The following TRABD2B variants were observed in gnomAD, a reference collection of about 807,000 sequenced individuals.
TRABD2B encodes the protein TraB domain containing 2B, also known as metalloprotease TIKI2.
A neutral mutation model predicts 40.1 loss-of-function variants in TRABD2B; 14 were observed. That is an observed-to-expected ratio of 0.35 (90% CI 0.23 to 0.55). The LOEUF (loss-of-function observed/expected upper bound fraction) is 0.55. Ranked by LOEUF, TRABD2B falls within the 20% of genes least tolerant of loss-of-function variation. TRABD2B has a pLI of 0.90. For synonymous variants in TRABD2B, 263 were observed against 277.0 expected, an observed-to-expected ratio of 0.95 and a Z score of 0.50; for missense variants, 541 against 648.6, an observed-to-expected ratio of 0.83 and a Z score of 1.80.
chr1:47,775,777 A>G (rs1168497881), intron 5 of TRABD2B, among the ~76,000 whole-genome samples: 1 of 152,190 alleles, frequency 6.6e-6, no homozygotes, highest in Non-Finnish European at 1.5e-5. Context: ...AGTAAAACAG[A>G]GGATGCCAGA....
At chr1:47,845,384 A>G (rs529383524) in intron 2 of TRABD2B, among the ~76,000 whole-genome samples, 2 of 152,350 alleles carry the variant, frequency 1.3e-5, no homozygotes, top group Non-Finnish European at 1.5e-5. Flanking sequence ...TGCTCTTACT[A>G]AGTGTCTGGC....
At chr1:47,832,311 C>A (rs982653551) in intron 2 of TRABD2B, among the ~76,000 whole-genome samples, 2 of 151,078 alleles carry the variant, frequency 1.3e-5, no homozygotes, top group African/African-American at 4.9e-5. Flanking sequence ...CCAGCCTGGG[C>A]AACAAGCAAG....
In TRABD2B at chr1:47,772,881, C is replaced by T. The variant is rs568064849; in HGVS notation, c.1349+2289G>A. 3.3e-5 allele frequency among the ~76,000 whole-genome samples: 5 copies of T among 152,260 alleles called. No individual in the cohort carries two copies. The South Asian group carries it at 1.0e-3, about 32-fold the overall frequency. On this transcript the variant is annotated intron_variant, in intron 6 of 6. Transcript: ENST00000606738. ...CAGGCGGTGGTGGAAACTTTCTTCTCCAACCCAATCAGATGGAATAAAGTT... is the reference window on the plus strand; with the variant it reads ...CAGGCGGTGGTGGAAACTTTCTTCTTCAACCCAATCAGATGGAATAAAGTT...
chr1:47,987,924 T>G (rs946635974), intron 2 of TRABD2B, among the ~76,000 whole-genome samples: 1 of 152,162 alleles, frequency 6.6e-6, no homozygotes, highest in Non-Finnish European at 1.5e-5. Flanking sequence ...CAGCCTGTGT[T>G]TAATTCCACG....
chr1:47,923,468 T>G (rs1644928082), intron 2 of TRABD2B, among the ~76,000 whole-genome samples: 1 of 152,206 alleles, frequency 6.6e-6, no homozygotes. Context: ...CCCTGACCAC[T>G]GCACAGGCTG....
intron 2 of TRABD2B, among the ~76,000 whole-genome samples, chr1:47,806,150 C>T (rs769245467): frequency 2.3e-4 from 35 of 152,242 alleles, no homozygotes; most frequent in Non-Finnish European, 4.4e-4. Flanking sequence ...CACCAGCATC[C>T]TTGGTGCTTC....
intron 2 of TRABD2B, among the ~76,000 whole-genome samples, chr1:47,883,613 G>C (rs1046229648): frequency 6.6e-6 from 1 of 152,202 alleles, no homozygotes; most frequent in African/African-American, 2.4e-5. Flanking sequence ...CACAAGTCAG[G>C]ACATCTGGAT....
At chr1:47,792,792 G>T (rs1174444094) in intron 4 of TRABD2B, among the ~76,000 whole-genome samples, 1 of 152,108 alleles carries the variant, frequency 6.6e-6, no homozygotes, top group Admixed American at 6.5e-5. Context: ...CTCAGGTGGG[G>T]TGTGTAGAAT....
chr1:47,779,957 A>G (rs1412526721), intron 4 of TRABD2B, among the ~76,000 whole-genome samples: 1 of 152,204 alleles, frequency 6.6e-6, no homozygotes, highest in East Asian at 1.9e-4. Context: ...AGAACTGCAT[A>G]GTGGCTGGAG....
At chr1:47,913,783 A>G (rs1198546348) in intron 2 of TRABD2B, among the ~76,000 whole-genome samples, 2 of 152,192 alleles carry the variant, frequency 1.3e-5, no homozygotes, top group African/African-American at 2.4e-5. Flanking sequence ...AAGTACAATA[A>G]ACAATTAAAT....
intron 2 of TRABD2B, among the ~76,000 whole-genome samples, chr1:47,903,957 T>A (rs1406043772): frequency 1.3e-5 from 2 of 152,168 alleles, no homozygotes; most frequent in Admixed American, 1.3e-4. Context: ...TGCTCTGAGG[T>A]GTCTCTCCTT....
rs549879497 is a variant in TRABD2B, at chr1:47,990,713, G to A, written c.666+3321C>T. On this transcript the variant is annotated intron_variant, in intron 2 of 6. Coordinates refer to ENST00000606738, the MANE Select transcript of TRABD2B (RefSeq NM_001194986.2). ...GTAATTGCTGCCCCATTGGATGGAT[G>A]GGCATACCAAGTCTTGCCCAAGATT... is the stretch of plus-strand genomic sequence containing the variant. Among the ~76,000 whole-genome samples the A allele has an allele frequency of 4.9e-5, 7 of 143,176 alleles. No homozygotes were observed. In the South Asian group the frequency reaches 1.3e-3, roughly 27 times the overall value. 93.9% of individuals were successfully genotyped at this position (143,176 alleles called of 152,430 possible).
At chr1:47,784,772 T>A (rs1165686253) in intron 4 of TRABD2B, among the ~76,000 whole-genome samples, 2 of 152,192 alleles carry the variant, frequency 1.3e-5, no homozygotes, top group Non-Finnish European at 2.9e-5. Flanking sequence ...GAGCTTCCTT[T>A]CTCCTGCTTT....
At chr1:47,990,100 T>C (rs968430664) in intron 2 of TRABD2B, among the ~76,000 whole-genome samples, 2 of 152,254 alleles carry the variant, frequency 1.3e-5, no homozygotes, top group Non-Finnish European at 2.9e-5. Context: ...GAGGGACTTG[T>C]AGAATTTTAC....
At chr1:47,967,956 T>C (rs1390431045) in intron 2 of TRABD2B, among the ~76,000 whole-genome samples, 1 of 152,240 alleles carries the variant, frequency 6.6e-6, no homozygotes, top group Non-Finnish European at 1.5e-5. Context: ...TACAGTGATG[T>C]TGACTAAATG....
In TRABD2B at chr1:47,950,241, G is replaced by C. The variant is rs538524110; in HGVS notation, c.666+43793C>G. 6.6e-5 allele frequency among the ~76,000 whole-genome samples: 10 copies of C among 151,988 alleles called. No individual in the cohort carries two copies. In the East Asian group the frequency reaches 1.7e-3, roughly 26 times the overall value. On this transcript the variant is annotated intron_variant, in intron 2 of 6. Coordinates refer to ENST00000606738, the MANE Select transcript of TRABD2B (RefSeq NM_001194986.2). ...CAGAGCTTGCAGTGAGCCGAGATCG[G>C]GCCACTGCACTCCAGCTTGGGCGAT...
chr1:47,940,373 G>A (rs997887718), intron 2 of TRABD2B, among the ~76,000 whole-genome samples: 3 of 152,194 alleles, frequency 2.0e-5, no homozygotes, highest in Admixed American at 6.5e-5. Flanking sequence ...CACTGTGTCC[G>A]ACGATGGCGA....
intron 2 of TRABD2B, among the ~76,000 whole-genome samples, chr1:47,929,866 C>T (rs1447124625): frequency 6.6e-6 from 1 of 152,228 alleles, no homozygotes. Flanking sequence ...GCCAAATGGG[C>T]CTGTCAGAAA....
intron 2 of TRABD2B, among the ~76,000 whole-genome samples, chr1:47,867,768 A>C (rs1302758965): frequency 6.6e-6 from 1 of 152,230 alleles, no homozygotes; most frequent in Non-Finnish European, 1.5e-5. Context: ...CGTGGGAAAC[A>C]ATGAGAAATG....
Sources: gnomAD v4.1 joint callset for allele counts (sites outside exome capture counted in the v4.1 genomes callset) on GRCh38, gnomAD v4.1.1 for gene constraint, MANE v1.5 for transcripts, NCBI Gene and HGNC (gene_info 2026-07-23, HGNC 2026-07-21) for gene names.